Variants in AP1G1 observed in about 807,000 individuals in gnomAD.
AP1G1 encodes the protein adaptor related protein complex 1 subunit gamma 1.
AP1G1 carries 7 observed loss-of-function variants against 108.3 expected under a neutral mutation model. That is an observed-to-expected ratio of 0.06 (90% CI 0.04 to 0.12). The LOEUF (loss-of-function observed/expected upper bound fraction) is 0.12. Among genes scored for constraint, AP1G1 ranks in the 10% least tolerant of loss-of-function variants. The pLI, the probability that AP1G1 is intolerant of heterozygous loss-of-function variation, is 1.00. For missense variants in AP1G1, 756 were observed against 1,010.7 expected (o/e 0.75, Z 3.42); for synonymous variants, 379 against 353.5 (o/e 1.07, Z -0.81).
intron 16 of AP1G1, among the ~76,000 whole-genome samples, chr16:71,747,970 G>A (rs751516073): frequency 1.3e-5 from 2 of 152,194 alleles, no homozygotes; most frequent in Non-Finnish European, 2.9e-5. Context: ...GTAAGAGAGC[G>A]AGACCCTGTC....
intron 10 of AP1G1, among the ~76,000 whole-genome samples, chr16:71,760,453 G>C (rs1378832904): frequency 1.3e-5 from 2 of 151,122 alleles, no homozygotes; most frequent in Non-Finnish European, 2.9e-5. Context: ...GGTGAGGCAA[G>C]AGAATCGCTT....
chr16:71,752,401 T>C (rs2030553947), intron 13 of AP1G1, among the ~76,000 whole-genome samples: 1 of 152,188 alleles, frequency 6.6e-6, no homozygotes, highest in South Asian at 2.1e-4. Context: ...AAAACGAGTA[T>C]GCCCCAGAGA....
Position 71,745,631 on chromosome 16 carries a change from T to A in AP1G1, c.1731-17A>T, listed in dbSNP as rs1179402166. The A allele has an allele frequency of 1.2e-6, 2 of 1,610,568 alleles. No individual in the cohort carries two copies. The highest frequency in any genetic ancestry group is 3.3e-5 in the Admixed American group (2 of 60,000). Reference sequence around the variant, plus strand: ...AGGGCAGACCTAGAAGAATCTGAAGTGGTTAAATTCTAGGCAGTTAACCTA... The same window carrying A: ...AGGGCAGACCTAGAAGAATCTGAAGAGGTTAAATTCTAGGCAGTTAACCTA... On this transcript the variant is annotated splice_polypyrimidine_tract_variant and intron_variant, in intron 17 of 22. Transcript: ENST00000299980.
At chr16:71,735,211 C>T (rs950173816) in intron 21 of AP1G1, among the ~76,000 whole-genome samples, 1 of 152,170 alleles carries the variant, frequency 6.6e-6, no homozygotes, top group African/African-American at 2.4e-5. Flanking sequence ...TTTTTTAAAG[C>T]CTGCATAATC....
At chr16:71,743,546 T>C (rs2145423787) in intron 19 of AP1G1, 1 of 148,916 alleles carries the variant, frequency 6.7e-6, no homozygotes, top group South Asian at 2.1e-4. Context: ...GAGGTTGAAG[T>C]GAGCCGAGAT....
intron 2 of AP1G1, among the ~76,000 whole-genome samples, chr16:71,775,689 T>C (rs2031756233): frequency 6.6e-6 from 1 of 152,122 alleles, no homozygotes; most frequent in African/African-American, 2.4e-5. Context: ...AATAACTAAG[T>C]TTAATATAAT....
In AP1G1 at chr16:71,729,902, A is replaced by G. The variant is rs1370854517; in HGVS notation, c.*3156T>C. ...TCATGGCCCAAATATTTTCCAATGC[A>G]GAAGATAATGAAGTTGAACCTTGAA... On this transcript the variant is annotated 3_prime_UTR_variant, in exon 23 of 23. Coordinates refer to ENST00000299980, the MANE Select transcript of AP1G1 (RefSeq NM_001128.6). The G allele has an allele frequency of 2.0e-5, 3 of 152,662 alleles. No individual in the cohort carries two copies. Among genetic ancestry groups the G allele is most frequent in the Non-Finnish European group, 4.4e-5 (3 of 68,042 alleles). The allele number at this position is 152,662 out of a possible 1,614,324, so 9.5% of individuals were successfully genotyped here.
At chr16:71,735,387 G>T (rs910584428) in intron 21 of AP1G1, among the ~76,000 whole-genome samples, 2 of 152,194 alleles carry the variant, frequency 1.3e-5, no homozygotes, top group Admixed American at 1.3e-4. Context: ...GTGCTGGCTG[G>T]GTGTGGTGGC....
At chr16:71,754,190 A>G (rs964422915) in intron 12 of AP1G1, among the ~76,000 whole-genome samples, 1 of 151,544 alleles carries the variant, frequency 6.6e-6, no homozygotes. Flanking sequence ...AGTGAGAAAG[A>G]AGAGAGAGAA....
intron 5 of AP1G1, among the ~76,000 whole-genome samples, chr16:71,769,926 G>T (rs2270828): frequency 0.012 from 1,757 of 152,250 alleles, 91 homozygotes; most frequent in East Asian, 0.082. Flanking sequence ...ACAATTATGT[G>T]ATCAAAATAA....
At chr16:71,777,606 T>C (rs2031840084) in intron 2 of AP1G1, 1 of 414,318 alleles carries the variant, frequency 2.4e-6, no homozygotes, top group South Asian at 1.8e-5. Flanking sequence ...CAGGCGGTCA[T>C]GCCGATGCCC....
chr16:71,741,760 C>G (rs553901835), intron 19 of AP1G1, among the ~76,000 whole-genome samples: 1 of 152,200 alleles, frequency 6.6e-6, no homozygotes, highest in Middle Eastern at 3.4e-3. Context: ...AAAATCAAAT[C>G]GAGAAAATTT....
At chr16:71,785,872 A>G (rs544652019) in intron 2 of AP1G1, among the ~76,000 whole-genome samples, 2 of 151,954 alleles carry the variant, frequency 1.3e-5, no homozygotes, top group African/African-American at 4.8e-5. Flanking sequence ...ACAGGGCGAG[A>G]CTCCATCTCA....
At chr16:71,795,937 A>C (rs1318858298) in intron 1 of AP1G1, among the ~76,000 whole-genome samples, 1 of 152,174 alleles carries the variant, frequency 6.6e-6, no homozygotes, top group Non-Finnish European at 1.5e-5. Context: ...TGAATAGGAG[A>C]GATTAAATCT....
chr16:71,794,200 T>C (rs1018410511), intron 1 of AP1G1, among the ~76,000 whole-genome samples: 15 of 152,224 alleles, frequency 9.9e-5, no homozygotes, highest in African/African-American at 3.6e-4. Context: ...ACCTGACCCA[T>C]CAAAGACTGA....
At position 71,750,331 on chromosome 16, in the gene AP1G1, G is replaced by C. The variant is rs2030417701; in HGVS notation, c.1286C>G (p.Ala429Gly). 6.2e-7 allele frequency: 1 copy of C among 1,613,462 alleles called. No individual in the cohort carries two copies. Among genetic ancestry groups the C allele is most frequent in the African/African-American group, 1.3e-5 (1 of 74,896 alleles). Residue 429 changes from alanine (A) to glycine (G), a missense_variant and splice_region_variant, in exon 14 of 23, where the codon GCA becomes GGA. By Grantham distance (60) the Ala-to-Gly change is moderately conservative. Coordinates refer to ENST00000299980, the MANE Select transcript of AP1G1 (RefSeq NM_001128.6). The stretch of plus-strand genomic sequence containing the variant: ...TGCATCATCACGAACATAACTTCCT[G>C]CCTAAAAGGAAATGCAGACAATTAC... ...IDTIMRVLTT[A>G]GSYVRDDAVP...
At chr16:71,765,651 C>G in intron 6 of AP1G1, 67 bp from the exon 7 acceptor site, 1 of 1,335,134 alleles carries the variant, frequency 7.5e-7, no homozygotes, top group Non-Finnish European at 1.1e-6. Context: ...TAAGCAGGTC[C>G]TTTGGTTTAG....
At chr16:71,739,639 C>T (rs1340668542) in intron 19 of AP1G1, among the ~76,000 whole-genome samples, 1 of 151,444 alleles carries the variant, frequency 6.6e-6, no homozygotes. Context: ...GTAGTCCCAG[C>T]TACTTGGGAG....
chr16:71,773,817 C>T (rs1034731497), intron 3 of AP1G1, among the ~76,000 whole-genome samples: 14 of 150,268 alleles, frequency 9.3e-5, no homozygotes, highest in African/African-American at 3.2e-4. Context: ...GTGGCGGGCG[C>T]CTATAATCCC....
Sources: allele counts gnomAD v4.1 joint callset (sites outside exome capture counted in the v4.1 genomes callset), GRCh38; gene constraint gnomAD v4.1.1; transcripts MANE v1.5; gene names NCBI Gene and HGNC (gene_info 2026-07-23, HGNC 2026-07-21).